ZNF644: variants seen among roughly 807,000 people sequenced by gnomAD.
ZNF644 encodes zinc finger protein 644.
Under a neutral mutation model 108.0 loss-of-function variants are expected in ZNF644, and 20 were observed. That is an observed-to-expected ratio of 0.19 (90% confidence interval 0.13 to 0.27). ZNF644 has a LOEUF of 0.27. ZNF644 is among the 10% of genes least tolerant of loss of function. The pLI, the probability that ZNF644 is intolerant of heterozygous loss-of-function variation, is 1.00. For missense variants in ZNF644, 1,338 were observed against 1,548.9 expected (o/e 0.86, Z 2.29); for synonymous variants, 542 against 539.1 (o/e 1.01, Z -0.08).
chr1:90,933,399 C>T (rs1471228616), intron 4 of ZNF644, among the ~76,000 whole-genome samples: 2 of 151,986 alleles, frequency 1.3e-5, no homozygotes, highest in South Asian at 2.1e-4. Context: ...CGGTGGCTCT[C>T]GGCTGTAATC....
chr1:90,961,019 T>G (rs1654284290), intron 2 of ZNF644, among the ~76,000 whole-genome samples: 1 of 151,992 alleles, frequency 6.6e-6, no homozygotes, highest in Non-Finnish European at 1.5e-5. Flanking sequence ...AAGGGTACAA[T>G]AGAAAGTGTT....
intron 1 of ZNF644, among the ~76,000 whole-genome samples, chr1:90,987,566 G>T (rs922732519): frequency 9.9e-5 from 15 of 151,908 alleles, no homozygotes; most frequent in Admixed American, 9.8e-4. Flanking sequence ...AAAAGCCCAG[G>T]ACCAGATGGC....
At chr1:90,959,925 T>C (rs1654157753) in intron 2 of ZNF644, among the ~76,000 whole-genome samples, 1 of 152,144 alleles carries the variant, frequency 6.6e-6, no homozygotes, top group Admixed American at 6.6e-5. Context: ...GTTACAGGTT[T>C]TAAATTGCTA....
intron 2 of ZNF644, among the ~76,000 whole-genome samples, chr1:90,955,932 G>A (rs909293671): frequency 6.6e-6 from 1 of 152,126 alleles, no homozygotes; most frequent in African/African-American, 2.4e-5. Flanking sequence ...TCCTCACTAA[G>A]CTTAATTCTA....
In ZNF644 at chr1:90,939,256, T is replaced by C; in HGVS notation, c.2098A>G (p.Asn700Asp). ...SIAQSGVNMC[N>D]QNSSPHKNVT... ...TTCTTATGAGGAGAGCTGTTTTGATTGCACATGTTTACACCTGATTGGGCA... is the reference window on the plus strand; with the variant it reads ...TTCTTATGAGGAGAGCTGTTTTGATCGCACATGTTTACACCTGATTGGGCA... The change falls in exon 3 of 6, where the codon AAT (asparagine) becomes GAT (aspartate). Residue 700 changes from asparagine to aspartate, a missense_variant. By Grantham distance (23) the Asn-to-Asp change is conservative. Around this residue, in one of 6 missense-constraint regions of ZNF644, gnomAD observed 462 missense variants for 472.6 expected, o/e 0.98. Coordinates refer to ENST00000337393, the MANE Select transcript of ZNF644 (RefSeq NM_201269.3). 1.2e-6 allele frequency: 2 copies of C among 1,614,096 alleles called. No homozygotes were observed. Among genetic ancestry groups the C allele is most frequent in the Non-Finnish European group, 1.7e-6 (2 of 1,179,946 alleles).
chr1:90,933,709 A>T (rs1017669876), intron 4 of ZNF644, among the ~76,000 whole-genome samples: 1 of 152,078 alleles, frequency 6.6e-6, no homozygotes, highest in African/African-American at 2.4e-5. Flanking sequence ...TCATTTTAGA[A>T]TTTTCCATTG....
chr1:90,969,975 T>C (rs1179649694), intron 2 of ZNF644, among the ~76,000 whole-genome samples: 1 of 152,208 alleles, frequency 6.6e-6, no homozygotes, highest in Admixed American at 6.5e-5. Flanking sequence ...AGTTCTACTG[T>C]GATATACATG....
chr1:90,968,889 CA>C lies in ZNF644; in HGVS notation c.44+13420del, dbSNP rs1655191109. Among the ~76,000 whole-genome samples the C allele has an allele frequency of 3.3e-5, 5 of 152,118 alleles. No individual in the cohort carries two copies. In the South Asian group the frequency reaches 1.0e-3, roughly 32 times the overall value. ...CATTTATCCTATTTACTTGCCACAG[CA>C]AACCAAAAGTCACACATCTGACTCA... On this transcript the variant is annotated intron_variant, in intron 2 of 5. Coordinates refer to ENST00000337393, the MANE Select transcript of ZNF644 (RefSeq NM_201269.3).
intron 1 of ZNF644, among the ~76,000 whole-genome samples, chr1:91,006,762 CTCT>C (rs1245610144): frequency 6.6e-6 from 1 of 151,918 alleles, no homozygotes; most frequent in African/African-American, 2.4e-5. Flanking sequence ...ATTCTCTTCA[CTCT>C]TCTCCTGTAA....
At chr1:91,008,610 A>G (rs1659660851) in intron 1 of ZNF644, among the ~76,000 whole-genome samples, 1 of 152,152 alleles carries the variant, frequency 6.6e-6, no homozygotes, top group Non-Finnish European at 1.5e-5. Flanking sequence ...CACCCATACT[A>G]TCATACAGAA....
intron 4 of ZNF644, among the ~76,000 whole-genome samples, chr1:90,931,724 C>T (rs1199443525): frequency 2.0e-5 from 3 of 152,090 alleles, no homozygotes; most frequent in Admixed American, 2.0e-4. Context: ...CCTATTTCCC[C>T]CATCGGTTCC....
chr1:90,965,643 T>C lies in ZNF644; in HGVS notation c.44+16667A>G, dbSNP rs143918540. The stretch of plus-strand genomic sequence containing the variant: ...AAGTTGTAAAATAACAGAATACTAT[T>C]TTAATTACATAAAATGTTATCAGCA... On this transcript the variant is annotated intron_variant, in intron 2 of 5. Transcript: ENST00000337393. 1.1e-4 allele frequency among the ~76,000 whole-genome samples: 16 copies of C among 152,310 alleles called. No individual in the cohort carries two copies. The East Asian group carries it at 2.9e-3, about 28-fold the overall frequency.
rs75716635 is a variant in ZNF644 at position 90,922,812 on chromosome 1, C to G, written c.3689-4658G>C. Reference sequence around the variant, plus strand: ...TCCATGTGTTCTCGTTGTTTAGCCCCTACTTATAAGTGAAAACATTCAGTA... The same window carrying G: ...TCCATGTGTTCTCGTTGTTTAGCCCGTACTTATAAGTGAAAACATTCAGTA... On this transcript the variant is annotated intron_variant, in intron 4 of 5. Transcript: ENST00000337393. Among the ~76,000 whole-genome samples, 1,204 of 152,134 alleles carry G rather than the reference C, an allele frequency of 7.9e-3. 10 individuals are homozygous for G. The highest frequency in any genetic ancestry group is 0.027 in the African/African-American group (1,123 of 41,504).
chr1:90,958,232 TAAAAAAAA>T (rs777224217), intron 2 of ZNF644, among the ~76,000 whole-genome samples: 1,611 of 41,432 alleles, frequency 0.039, 41 homozygotes, highest in African/African-American at 0.13. Flanking sequence ...GCAAAACTCC[TAAAAAAAA>T]AAAAAAAAAA....
At position 90,977,321 on chromosome 1, in the gene ZNF644, TA is replaced by T. The variant is rs1379771342; in HGVS notation, c.44+4988del. Among the ~76,000 whole-genome samples the T allele has an allele frequency of 3.3e-5, 5 of 152,136 alleles. No individual in the cohort carries two copies. In the East Asian group the frequency reaches 9.6e-4, roughly 29 times the overall value. Reference sequence around the variant, plus strand: ...ATTTACCATAAGGAAATATTTATCCTAAAAAAATAGTATGAAGGGAAAAAAA... The same window carrying T: ...ATTTACCATAAGGAAATATTTATCCTAAAAAATAGTATGAAGGGAAAAAAA... On this transcript the variant is annotated intron_variant, in intron 2 of 5. Coordinates refer to ENST00000337393, the MANE Select transcript of ZNF644 (RefSeq NM_201269.3).
intron 2 of ZNF644, among the ~76,000 whole-genome samples, chr1:90,966,185 T>C (rs1245270359): frequency 2.0e-5 from 3 of 152,216 alleles, no homozygotes; most frequent in Non-Finnish European, 4.4e-5. Flanking sequence ...CACATTTGTG[T>C]CCATCTCCTT....
chr1:91,000,877 C>A (rs975843714), intron 1 of ZNF644, among the ~76,000 whole-genome samples: 60 of 152,280 alleles, frequency 3.9e-4, no homozygotes, highest in African/African-American at 1.4e-3. Flanking sequence ...CACACAAATA[C>A]AAACTACCAC....
intron 4 of ZNF644, among the ~76,000 whole-genome samples, chr1:90,932,521 C>G (rs1650850763): frequency 6.6e-6 from 1 of 151,980 alleles, no homozygotes; most frequent in African/African-American, 2.4e-5. Context: ...AAAAATGATG[C>G]CTGTTACTCA....
rs942434145 is a variant in ZNF644, at chr1:91,017,992, G to A, written c.-18+3998C>T. Among the ~76,000 whole-genome samples the A allele has an allele frequency of 2.6e-5, 4 of 152,172 alleles. No individual in the cohort carries two copies. In the South Asian group the frequency reaches 8.3e-4, roughly 32 times the overall value. ...CAAAAAGAAAGAAAAAGAAAGGATA[G>A]TAACTCCATGGTTCAACTTGGCAGA... is the stretch of plus-strand genomic sequence containing the variant. On this transcript the variant is annotated intron_variant, in intron 1 of 5. Coordinates refer to ENST00000337393, the MANE Select transcript of ZNF644 (RefSeq NM_201269.3).
Sources: allele counts gnomAD v4.1 joint callset (sites outside exome capture counted in the v4.1 genomes callset), GRCh38; gene constraint gnomAD v4.1.1; regional missense constraint gnomAD v4.1.1; transcripts MANE v1.5; gene names NCBI Gene and HGNC (gene_info 2026-07-23, HGNC 2026-07-21).